The following CRISP3 variants were observed in gnomAD, a reference collection of about 807,000 sequenced individuals.
CRISP3 encodes cysteine rich secretory protein 3.
Under a neutral mutation model 36.1 loss-of-function variants are expected in CRISP3, and 33 were observed. The observed-to-expected ratio is 0.91, with a 90% confidence interval of 0.69 to 1.22. The LOEUF is 1.22. CRISP3 is among the 50% of genes most tolerant of loss of function. The pLI is 0.00. For missense variants in CRISP3, 330 were observed against 301.2 expected (o/e 1.10, Z -0.71); for synonymous variants, 117 against 104.6 (o/e 1.12, Z -0.72).
intron 4 of CRISP3, among the ~76,000 whole-genome samples, chr6:49,735,078 A>T (rs1434018470): frequency 6.6e-6 from 1 of 152,170 alleles, no homozygotes; most frequent in Non-Finnish European, 1.5e-5. Flanking sequence ...TAGAAAAAAA[A>T]TTAAGTAGGT....
chr6:49,739,929 C>T (rs1769156028), intron 1 of CRISP3, among the ~76,000 whole-genome samples: 1 of 152,030 alleles, frequency 6.6e-6, no homozygotes, highest in South Asian at 2.1e-4. Flanking sequence ...TGAGTCCTAC[C>T]TTTTATATGG....
chr6:49,740,295 T>A (rs1172470071), intron 1 of CRISP3, among the ~76,000 whole-genome samples: 1 of 152,200 alleles, frequency 6.6e-6, no homozygotes, highest in African/African-American at 2.4e-5. Flanking sequence ...GCTTTAACAG[T>A]CCATTTTGTG....
chr6:49,740,092 G>T (rs1217288691), intron 1 of CRISP3, among the ~76,000 whole-genome samples: 1 of 152,176 alleles, frequency 6.6e-6, no homozygotes, highest in Admixed American at 6.5e-5. Context: ...AGAGCAAATT[G>T]TGTCTTTCTG....
At chr6:49,735,926 CAATGA>C (rs1220363681) in intron 3 of CRISP3, among the ~76,000 whole-genome samples, 3 of 152,092 alleles carry the variant, frequency 2.0e-5, no homozygotes, top group African/African-American at 7.2e-5. Context: ...GCTTTTCCAA[CAATGA>C]AGTAATTAGC....
At chr6:49,737,562 G>T in intron 1 of CRISP3, 164 bp from the exon 2 acceptor site, 1 of 727,994 alleles carries the variant, frequency 1.4e-6, no homozygotes, top group South Asian at 1.8e-5. Context: ...AATGACAGTG[G>T]ATTCAGCTTT....
At chr6:49,739,190 T>G (rs950779473) in intron 1 of CRISP3, among the ~76,000 whole-genome samples, 2 of 152,176 alleles carry the variant, frequency 1.3e-5, no homozygotes, top group Non-Finnish European at 1.5e-5. Flanking sequence ...AGATGGGCCC[T>G]CTAGTGCGTC....
Position 49,736,381 on chromosome 6 carries a change from C to T in CRISP3, c.228+10G>A, listed in dbSNP as rs199951634. 6.4e-5 allele frequency: 101 copies of T among 1,576,250 alleles called. No individual in the cohort carries two copies. The highest frequency in any genetic ancestry group is 5.1e-4 in the Admixed American group (30 of 59,274). On this transcript the variant is annotated intron_variant, in intron 3 of 7. Transcript: ENST00000263045. Reference sequence around the variant, plus strand: ...TTCACACCCCTCTCCTTTGCAATATCACCTCTTACCATCTTCAGCATGTTT... The same window carrying T: ...TTCACACCCCTCTCCTTTGCAATATTACCTCTTACCATCTTCAGCATGTTT...
intron 1 of CRISP3, among the ~76,000 whole-genome samples, chr6:49,738,744 T>G (rs1350019606): frequency 1.3e-5 from 2 of 152,222 alleles, no homozygotes; most frequent in African/African-American, 2.4e-5. Context: ...ACTGTGAATC[T>G]AAGTATTGGG....
Position 49,728,848 on chromosome 6 carries a change from C to T in CRISP3, c.659G>A (p.Cys220Tyr), listed in dbSNP as rs748416267. ...NCDDGLCTNG[C>Y]KYEDLYSNCK... is the part of the protein sequence containing the mutation. ...GTTACTATAGAGATCTTCGTACTTGCAACCATTGGCTGGAATAAAAACAAA... is the reference window on the plus strand; with the variant it reads ...GTTACTATAGAGATCTTCGTACTTGTAACCATTGGCTGGAATAAAAACAAA... The change falls in exon 8 of 8, where the codon TGC (cysteine) becomes TAC (tyrosine). Residue 220 changes from cysteine (C) to tyrosine (Y), a missense_variant. By Grantham distance (194) the Cys-to-Tyr change is radical (BLOSUM62 -2). Coordinates refer to ENST00000263045, the MANE Select transcript of CRISP3 (RefSeq NM_006061.4). 4.2e-5 allele frequency: 67 copies of T among 1,607,026 alleles called. No homozygotes were observed. In the South Asian group the frequency reaches 7.2e-4, roughly 17 times the overall value.
At chr6:49,730,840 G>A (rs557226241) in intron 7 of CRISP3, among the ~76,000 whole-genome samples, 12 of 152,242 alleles carry the variant, frequency 7.9e-5, no homozygotes, top group South Asian at 2.1e-4. Context: ...CCAGAAGTTC[G>A]AGACCAGTGT....
intron 7 of CRISP3, among the ~76,000 whole-genome samples, chr6:49,729,819 T>C (rs1038976300): frequency 6.6e-6 from 1 of 152,190 alleles, no homozygotes; most frequent in Non-Finnish European, 1.5e-5. Flanking sequence ...TGTGTGTTTT[T>C]CCAACAGTCT....
chr6:49,736,471 G>A lies in CRISP3; in HGVS notation c.148C>T (p.Gln50Ter). 1 of 1,613,680 alleles carries A rather than the reference G, an allele frequency of 6.2e-7. No individual in the cohort carries two copies. The highest frequency in any genetic ancestry group is 8.5e-7 in the Non-Finnish European group (1 of 1,179,688). The change falls in exon 3 of 8, where the codon CAA (glutamine) becomes TAA (stop). Residue 50 changes from glutamine (Q) to a stop codon, truncating the protein, a stop_gained. Coordinates refer to ENST00000263045, the MANE Select transcript of CRISP3 (RefSeq NM_006061.4). LOFTEE classifies it high-confidence loss of function. The part of the protein sequence containing the change: ...AFTALLTTQT[Q>*]VQREIVNKHN... ...TTATTCACAATCTCCCTTTGCACTT[G>A]TGTTTGGGTGGTTAACAAAGCAGTA...
Position 49,728,761 on chromosome 6 carries a change from G to A in CRISP3, c.746C>T (p.Ala249Val). The A allele has an allele frequency of 1.9e-6, 3 of 1,611,606 alleles. No homozygotes were observed. Among genetic ancestry groups the A allele is most frequent in the East Asian group, 4.5e-5 (2 of 44,794 alleles). ...KHQLVRDSCK[A>V]SCNCSNSIY ...AATGCTGTTTGAACAATTGCAGGAG[G>A]CCTTGCAACTGTCCCTGACCAACTG... The change falls in exon 8 of 8, where the codon GCC becomes GTC. Residue 249 changes from alanine (A) to valine (V), a missense_variant. By Grantham distance (64) the Ala-to-Val change is moderately conservative. Transcript: ENST00000263045.
At chr6:49,733,925 A>G (rs968034904) in intron 4 of CRISP3, 77 bp from the exon 5 acceptor site, 4 of 1,251,964 alleles carry the variant, frequency 3.2e-6, no homozygotes, top group Non-Finnish European at 4.6e-6. Flanking sequence ...CACACACACT[A>G]CACACAGCAG....
Position 49,731,155 on chromosome 6 carries a change from A to AAGT in CRISP3, c.649+7_649+8insACT. On this transcript the variant is annotated splice_region_variant and intron_variant, in intron 7 of 7. Coordinates refer to ENST00000263045, the MANE Select transcript of CRISP3 (RefSeq NM_006061.4). ...ATTTTATTATCAAGTTAATCACTTC[A>AAGT]AACTTACTGCATAGTCCATCGTCAC... 1 of 1,570,454 alleles carries AAGT rather than the reference A, an allele frequency of 6.4e-7. No homozygotes were observed. Among genetic ancestry groups the AAGT allele is most frequent in the Admixed American group, 1.8e-5 (1 of 55,794 alleles).
In CRISP3 at chr6:49,733,266, A is replaced by C. The variant is rs768850390; in HGVS notation, c.489T>G (p.Val163=). Reference sequence around the variant, plus strand: ...TGGGACAGTAGGCATTTCCACATCCAACGAGGTATGAAGAGTACCAAACAA... The same window carrying C: ...TGGGACAGTAGGCATTTCCACATCCCACGAGGTATGAAGAGTACCAAACAA... ...TQVVWYSSYL[V]GCGNAYCPNQ... Residue 163 remains valine, a synonymous_variant, in exon 6 of 8, where the codon GTT becomes GTG. Transcript: ENST00000263045. 6.2e-7 allele frequency: 1 copy of C among 1,611,654 alleles called. No individual in the cohort carries two copies. The highest frequency in any genetic ancestry group is 8.5e-7 in the Non-Finnish European group (1 of 1,178,638).
chr6:49,739,611 A>C (rs1277106449), intron 1 of CRISP3, among the ~76,000 whole-genome samples: 1 of 152,208 alleles, frequency 6.6e-6, no homozygotes, highest in Non-Finnish European at 1.5e-5. Flanking sequence ...CATCAGCTTT[A>C]AGACCAATAA....
intron 7 of CRISP3, 31 bp from the exon 8 acceptor site, chr6:49,728,888 C>A: frequency 1.3e-6 from 2 of 1,591,100 alleles, no homozygotes; most frequent in Non-Finnish European, 1.7e-6. Flanking sequence ...TTAGTCACTT[C>A]ATTATCATTT....
chr6:49,734,002 G>C (rs1447748995), intron 4 of CRISP3, among the ~76,000 whole-genome samples, 154 bp from the exon 5 acceptor site: 1 of 152,138 alleles, frequency 6.6e-6, no homozygotes, highest in Non-Finnish European at 1.5e-5. Context: ...TACATAAGGA[G>C]GGTGCCTCAG....
Sources: allele counts gnomAD v4.1 joint callset (sites outside exome capture counted in the v4.1 genomes callset), GRCh38; gene constraint gnomAD v4.1.1; transcripts MANE v1.5; gene names NCBI Gene and HGNC (gene_info 2026-07-23, HGNC 2026-07-21).